Variants in CD200 observed in about 807,000 individuals in gnomAD.
The protein encoded by CD200 is CD200 molecule, also known as OX-2 membrane glycoprotein.
In CD200, 15 loss-of-function variants were observed where a neutral mutation model predicts 30.9. That is an observed-to-expected ratio of 0.49 (90% CI 0.32 to 0.75). The LOEUF is 0.75. Among genes scored for constraint, CD200 ranks in the 30% least tolerant of loss-of-function variants. CD200 has a pLI of 0.03. For synonymous variants in CD200, 134 were observed against 126.2 expected, an observed-to-expected ratio of 1.06 and a Z score of -0.41; for missense variants, 262 against 324.2, an observed-to-expected ratio of 0.81 and a Z score of 1.47.
intron 1 of CD200, 112 bp from the exon 2 acceptor site, chr3:112,340,790 T>G: frequency 1.4e-6 from 1 of 697,918 alleles, no homozygotes; most frequent in Non-Finnish European, 2.5e-6. Flanking sequence ...CAAAATTCTC[T>G]GGGGGGTAAA....
chr3:112,342,364 T>C (rs1056626182), intron 2 of CD200, among the ~76,000 whole-genome samples: 690 of 29,836 alleles, frequency 0.023, 64 homozygotes, highest in East Asian at 0.092. Flanking sequence ...TTTCTTTCTT[T>C]CTTTCTTTCT....
chr3:112,338,922 C>T (rs567017606), intron 1 of CD200, among the ~76,000 whole-genome samples: 1 of 152,342 alleles, frequency 6.6e-6, no homozygotes, highest in East Asian at 1.9e-4. Flanking sequence ...TTCTCTGTCA[C>T]TTCACAGCTG....
intron 1 of CD200, chr3:112,335,803 C>G (rs1434029471): frequency 1.4e-6 from 1 of 716,262 alleles, no homozygotes; most frequent in African/African-American, 1.8e-5. Context: ...CAGTCTCTAA[C>G]ATGATCTTGG....
chr3:112,358,681 G>T (rs946491786), intron 5 of CD200, among the ~76,000 whole-genome samples: 2 of 152,150 alleles, frequency 1.3e-5, no homozygotes, highest in Non-Finnish European at 2.9e-5. Flanking sequence ...ACCTGAAGGT[G>T]CTTGTAGATC....
Position 112,341,002 on chromosome 3 carries a change from C to A in CD200, c.94+19C>A. ...GCACAAGGTAAAGAAACTCAATTCC[C>A]CTGCTTGGAGCCCAGCAAACACAAT... On this transcript the variant is annotated intron_variant, in intron 2 of 5. Coordinates refer to ENST00000315711, the MANE Select transcript of CD200 (RefSeq NM_005944.7). The A allele has an allele frequency of 1.3e-6, 2 of 1,537,024 alleles. No individual in the cohort carries two copies. The highest frequency in any genetic ancestry group is 1.8e-6 in the Non-Finnish European group (2 of 1,110,626).
intron 5 of CD200, 74 bp downstream of exon 5, chr3:112,349,893 G>C: frequency 6.8e-7 from 1 of 1,473,262 alleles, no homozygotes; most frequent in East Asian, 2.5e-5. Flanking sequence ...TGAGTCATTT[G>C]AAGATATAAA....
At chr3:112,347,349 G>A (rs554372589) in intron 3 of CD200, among the ~76,000 whole-genome samples, 2 of 152,292 alleles carry the variant, frequency 1.3e-5, no homozygotes, top group African/African-American at 2.4e-5. Context: ...CTCATCACAG[G>A]TTTGTACTAG....
intron 3 of CD200, among the ~76,000 whole-genome samples, chr3:112,345,858 C>G (rs914104895): frequency 1.3e-5 from 2 of 152,138 alleles, no homozygotes. Flanking sequence ...AAAGATATAA[C>G]TGGGCAAGAG....
At chr3:112,340,540 G>C (rs1334696989) in intron 1 of CD200, among the ~76,000 whole-genome samples, 1 of 152,152 alleles carries the variant, frequency 6.6e-6, no homozygotes, top group Non-Finnish European at 1.5e-5. Flanking sequence ...TTGGGAAGTG[G>C]ATGCTGTATA....
chr3:112,337,278 A>G (rs2081139154), intron 1 of CD200, among the ~76,000 whole-genome samples: 1 of 152,224 alleles, frequency 6.6e-6, no homozygotes, highest in Non-Finnish European at 1.5e-5. Context: ...CAAAAGACCT[A>G]AGCAGAAAAT....
intron 3 of CD200, among the ~76,000 whole-genome samples, chr3:112,346,603 TC>T (rs963448096): frequency 1.3e-5 from 2 of 152,194 alleles, no homozygotes; most frequent in African/African-American, 4.8e-5. Context: ...CTTCCAGCGC[TC>T]ACAGACATTA....
At chr3:112,333,117 C>T (rs2081031385), upstream of CD200, 5 of 1,523,042 alleles carry the variant, frequency 3.3e-6, no homozygotes, top group Non-Finnish European at 3.5e-6. Context: ...GCGGGAGGTG[C>T]GGCAGGGGCA....
At chr3:112,335,601 C>G (rs995542670) in intron 1 of CD200, among the ~76,000 whole-genome samples, 1 of 152,152 alleles carries the variant, frequency 6.6e-6, no homozygotes, top group African/African-American at 2.4e-5. Context: ...TTGGTTCTCT[C>G]TAGCTGAAGA....
chr3:112,334,936 C>A (rs766253470), intron 1 of CD200, among the ~76,000 whole-genome samples: 1 of 152,170 alleles, frequency 6.6e-6, no homozygotes, highest in African/African-American at 2.4e-5. Flanking sequence ...GAGAGCTTGT[C>A]CATTCTGCAT....
chr3:112,333,184 C>A lies in CD200; in HGVS notation c.-29C>A. On this transcript the variant is annotated 5_prime_UTR_variant, in exon 1 of 6. Coordinates refer to ENST00000315711, the MANE Select transcript of CD200 (RefSeq NM_005944.7). The stretch of plus-strand genomic sequence containing the variant: ...GCTCCAGGCGCACATCCGCAGTCAG[C>A]CACCTCGCGCGCGCCTCCAGGAGCA... 1 of 1,549,120 alleles carries A rather than the reference C, an allele frequency of 6.5e-7. No individual in the cohort carries two copies. The highest frequency in any genetic ancestry group is 8.7e-7 in the Non-Finnish European group (1 of 1,146,506).
chr3:112,361,081 G>A (rs1218909991), intron 5 of CD200, among the ~76,000 whole-genome samples: 1 of 152,062 alleles, frequency 6.6e-6, no homozygotes, highest in African/African-American at 2.4e-5. Context: ...TATTGCCTGG[G>A]GCTGGAGTGC....
intron 5 of CD200, among the ~76,000 whole-genome samples, chr3:112,350,854 C>T (rs1283380749): frequency 6.6e-6 from 1 of 151,824 alleles, no homozygotes; most frequent in African/African-American, 2.4e-5. Flanking sequence ...GTTCATGTTT[C>T]AAGTTTTTGA....
At chr3:112,342,294 C>T (rs1280503103) in intron 2 of CD200, among the ~76,000 whole-genome samples, 1 of 46,500 alleles carries the variant, frequency 2.2e-5, no homozygotes, top group Non-Finnish European at 4.7e-5. Context: ...TCCTTCCTTC[C>T]TTCCTTCCTT....
chr3:112,348,198 A>C (rs1164613398), intron 4 of CD200, among the ~76,000 whole-genome samples: 1 of 152,232 alleles, frequency 6.6e-6, no homozygotes, highest in Non-Finnish European at 1.5e-5. Flanking sequence ...GAATAGAGAT[A>C]AATGGATGGG....
Sources: allele counts gnomAD v4.1 joint callset (sites outside exome capture counted in the v4.1 genomes callset), GRCh38; gene constraint gnomAD v4.1.1; transcripts MANE v1.5; gene names NCBI Gene and HGNC (gene_info 2026-07-23, HGNC 2026-07-21).